RPS6KC1: variants seen among roughly 807,000 people sequenced by gnomAD.
The protein encoded by RPS6KC1 is inactive ribosomal protein S6 kinase delta-1.
A neutral mutation model predicts 103.8 loss-of-function variants in RPS6KC1; 54 were observed. The observed-to-expected ratio is 0.52, with a 90% CI of 0.42 to 0.65. The LOEUF (loss-of-function observed/expected upper bound fraction) is 0.65. Among genes scored for constraint, RPS6KC1 ranks in the 30% least tolerant of loss-of-function variants. RPS6KC1 has a pLI of 0.00. For synonymous variants in RPS6KC1, 439 were observed against 438.7 expected, an observed-to-expected ratio of 1.00 and a Z score of -0.01; for missense variants, 1,151 against 1,253.8, an observed-to-expected ratio of 0.92 and a Z score of 1.24.
At chr1:213,806,084 G>C in the RPS6KC1 span, among the ~76,000 whole-genome samples, 3 of 152,194 alleles carry the variant, frequency 2.0e-5, no homozygotes, top group Non-Finnish European at 4.4e-5. Context: ...TGTAATCCCA[G>C]CACTTTGGCA....
chr1:213,375,314 C>T, the RPS6KC1 span, among the ~76,000 whole-genome samples: 9 of 151,812 alleles, frequency 5.9e-5, no homozygotes, highest in African/African-American at 2.2e-4. Context: ...CACACATAGG[C>T]ATATACACAT....
the RPS6KC1 span, among the ~76,000 whole-genome samples, chr1:213,556,933 G>T: frequency 3.3e-5 from 5 of 152,142 alleles, no homozygotes; most frequent in Non-Finnish European, 7.4e-5. Flanking sequence ...CAGGTGGGGT[G>T]GGGGGTTATT....
the RPS6KC1 span, among the ~76,000 whole-genome samples, chr1:213,646,897 A>ATATATTT: frequency 1.4e-4 from 21 of 150,534 alleles, 1 homozygote; most frequent in African/African-American, 4.9e-4. Flanking sequence ...ATATATATAT[A>ATATATTT]TTTTTGTTTG....
At chr1:213,601,747 C>G in the RPS6KC1 span, among the ~76,000 whole-genome samples, 1 of 151,932 alleles carries the variant, frequency 6.6e-6, no homozygotes, top group Non-Finnish European at 1.5e-5. Context: ...CTCTATGATT[C>G]TTTGGTTGTT....
the RPS6KC1 span, among the ~76,000 whole-genome samples, chr1:213,665,846 T>C: frequency 1.1e-4 from 16 of 152,130 alleles, no homozygotes; most frequent in African/African-American, 3.9e-4. Flanking sequence ...TACTGTGTAG[T>C]AAATACAAAG....
chr1:213,321,614 G>T, the RPS6KC1 span, among the ~76,000 whole-genome samples: 1 of 152,198 alleles, frequency 6.6e-6, no homozygotes, highest in Non-Finnish European at 1.5e-5. Flanking sequence ...ACCAGGCACT[G>T]ATTTGATGCT....
the RPS6KC1 span, among the ~76,000 whole-genome samples, chr1:213,862,555 G>A: frequency 4.6e-5 from 7 of 151,894 alleles, 1 homozygote; most frequent in South Asian, 2.1e-4. Context: ...TTTCTTCTCC[G>A]TTTCTATTTC....
chr1:213,085,719 G>T (rs1336948482), intron 3 of RPS6KC1, among the ~76,000 whole-genome samples: 1 of 151,936 alleles, frequency 6.6e-6, no homozygotes, highest in Non-Finnish European at 1.5e-5. Flanking sequence ...CTGTGTATCT[G>T]TGTCTGTATA....
the RPS6KC1 span, among the ~76,000 whole-genome samples, chr1:213,368,393 G>A: frequency 1.3e-5 from 2 of 152,166 alleles, no homozygotes; most frequent in Non-Finnish European, 2.9e-5. Flanking sequence ...CGAGAGGGTA[G>A]GTCCTTGTGA....
At chr1:213,346,001 C>T in the RPS6KC1 span, among the ~76,000 whole-genome samples, 2 of 152,130 alleles carry the variant, frequency 1.3e-5, no homozygotes, top group East Asian at 3.9e-4. Flanking sequence ...ATAAAGTTGC[C>T]GAAATAATAT....
At chr1:213,338,797 G>A in the RPS6KC1 span, among the ~76,000 whole-genome samples, 1 of 150,132 alleles carries the variant, frequency 6.7e-6, no homozygotes, top group Non-Finnish European at 1.5e-5. Flanking sequence ...GAGAGACAAG[G>A]TGTCACTATG....
the RPS6KC1 span, among the ~76,000 whole-genome samples, chr1:213,378,764 A>G: frequency 1.3e-5 from 2 of 152,342 alleles, no homozygotes; most frequent in Admixed American, 1.3e-4. Context: ...CCTGCCAAGC[A>G]AGAGCAGTAT....
chr1:213,409,777 A>G, the RPS6KC1 span, among the ~76,000 whole-genome samples: 4 of 152,240 alleles, frequency 2.6e-5, no homozygotes, highest in African/African-American at 9.6e-5. Context: ...GTTGAAATAT[A>G]TAAAGTTGAA....
chr1:213,242,775 G>T, intron 12 of RPS6KC1, 117 bp downstream of exon 12: 1 of 817,816 alleles, frequency 1.2e-6, no homozygotes, highest in South Asian at 1.7e-5. Flanking sequence ...GTTGGATTTG[G>T]TTATCTGTTT....
intron 8 of RPS6KC1, among the ~76,000 whole-genome samples, chr1:213,191,164 C>T (rs946890830): frequency 2.6e-5 from 4 of 151,928 alleles, no homozygotes; most frequent in Non-Finnish European, 4.4e-5. Context: ...TTAGGATTGC[C>T]TTTTCTATTT....
At chr1:213,625,290 TG>T in the RPS6KC1 span, among the ~76,000 whole-genome samples, 5 of 152,368 alleles carry the variant, frequency 3.3e-5, no homozygotes, top group Admixed American at 6.5e-5. Context: ...CCTGATTTAT[TG>T]TATGTCTTAG....
chr1:213,063,567 C>A (rs377191114), intron 1 of RPS6KC1, among the ~76,000 whole-genome samples: 1 of 152,112 alleles, frequency 6.6e-6, no homozygotes, highest in African/African-American at 2.4e-5. Flanking sequence ...GGCAGATAGA[C>A]TACAGAAATT....
the RPS6KC1 span, among the ~76,000 whole-genome samples, chr1:213,860,057 T>A: frequency 0.085 from 12,934 of 151,598 alleles, 1,849 homozygotes; most frequent in African/African-American, 0.29. Flanking sequence ...AGATGTATCA[T>A]TGTATTTTAG....
chr1:213,392,342 A>G, the RPS6KC1 span, among the ~76,000 whole-genome samples: 1 of 152,062 alleles, frequency 6.6e-6, no homozygotes, highest in African/African-American at 2.4e-5. Flanking sequence ...GCCCGGTCTC[A>G]ACTGGTAGAG....
Sources: allele counts gnomAD v4.1 joint callset (sites outside exome capture counted in the v4.1 genomes callset), GRCh38; gene constraint gnomAD v4.1.1; transcripts MANE v1.5; gene names NCBI Gene and HGNC (gene_info 2026-07-23, HGNC 2026-07-21).